The following CDK19 variants were observed in gnomAD, a reference collection of about 807,000 sequenced individuals.
CDK19 encodes cyclin dependent kinase 19.
Under a neutral mutation model 68.3 loss-of-function variants are expected in CDK19, and 20 were observed. The observed-to-expected ratio is 0.29, with a 90% CI of 0.21 to 0.43. CDK19 has a LOEUF of 0.43. CDK19 is among the 20% of genes least tolerant of loss of function. The pLI, the probability that CDK19 is intolerant of heterozygous loss-of-function variation, is 1.00. For missense variants in CDK19, 339 were observed against 623.5 expected, an observed-to-expected ratio of 0.54 and a Z score of 4.86; for synonymous variants, 221 against 222.8, an observed-to-expected ratio of 0.99 and a Z score of 0.07.
At chr6:110,745,146 T>A (rs1777983776) in intron 2 of CDK19, among the ~76,000 whole-genome samples, 1 of 152,226 alleles carries the variant, frequency 6.6e-6, no homozygotes, top group South Asian at 2.1e-4. Flanking sequence ...AATATAATAG[T>A]AAGCCTTCTG....
At chr6:110,786,654 A>G (rs375021450) in intron 1 of CDK19, among the ~76,000 whole-genome samples, 1 of 151,942 alleles carries the variant, frequency 6.6e-6, no homozygotes, top group Non-Finnish European at 1.5e-5. Context: ...CTAAATTAGA[A>G]ATGTGTTTGG....
At chr6:110,782,338 A>C (rs1451751010) in intron 1 of CDK19, among the ~76,000 whole-genome samples, 1 of 152,216 alleles carries the variant, frequency 6.6e-6, no homozygotes, top group Non-Finnish European at 1.5e-5. Context: ...TCCTTCACTC[A>C]GTTGCCAAAC....
chr6:110,798,870 C>T lies in CDK19; in HGVS notation c.128+16139G>A, dbSNP rs149933475. 2.8e-4 allele frequency among the ~76,000 whole-genome samples: 42 copies of T among 151,950 alleles called. No homozygotes were observed. In the East Asian group the frequency reaches 7.4e-3, roughly 27 times the overall value. On this transcript the variant is annotated intron_variant, in intron 1 of 12. Coordinates refer to ENST00000368911, the MANE Select transcript of CDK19 (RefSeq NM_015076.5). ...TTAAAAAGACATCCTCAGCCAGGCA[C>T]GGTGGCTCACGCCTGTAATCCTAGT... is the stretch of plus-strand genomic sequence containing the variant.
intron 12 of CDK19, among the ~76,000 whole-genome samples, chr6:110,620,466 T>C (rs566772708): frequency 3.3e-5 from 5 of 151,686 alleles, no homozygotes; most frequent in African/African-American, 9.7e-5. Context: ...TGAAAAAAAA[T>C]TTTTTTTTCA....
intron 4 of CDK19, among the ~76,000 whole-genome samples, chr6:110,640,515 A>C (rs1160373126): frequency 6.6e-6 from 1 of 152,214 alleles, no homozygotes; most frequent in Non-Finnish European, 1.5e-5. Context: ...TAAAAGATTA[A>C]GAAAAAGGGT....
At chr6:110,788,185 G>A (rs1781370450) in intron 1 of CDK19, among the ~76,000 whole-genome samples, 1 of 148,478 alleles carries the variant, frequency 6.7e-6, no homozygotes, top group Non-Finnish European at 1.5e-5. Context: ...TTTTGAGACA[G>A]GCTCTTGATC....
intron 2 of CDK19, among the ~76,000 whole-genome samples, chr6:110,734,057 G>A (rs1033335759): frequency 6.6e-6 from 1 of 151,868 alleles, no homozygotes; most frequent in African/African-American, 2.4e-5. Context: ...ATCTCCCTCT[G>A]TCACCCAGGC....
At chr6:110,676,104 C>G (rs1771509575) in intron 2 of CDK19, among the ~76,000 whole-genome samples, 1 of 152,092 alleles carries the variant, frequency 6.6e-6, no homozygotes, top group South Asian at 2.1e-4. Context: ...TCAACATTAA[C>G]AGGAATGTGG....
At chr6:110,769,822 G>A (rs1027246705) in intron 1 of CDK19, among the ~76,000 whole-genome samples, 1 of 151,976 alleles carries the variant, frequency 6.6e-6, no homozygotes, top group African/African-American at 2.4e-5. Flanking sequence ...ATTCTCAACT[G>A]GTAGCAAAAT....
chr6:110,639,686 T>C (rs1780007517), intron 4 of CDK19, among the ~76,000 whole-genome samples: 1 of 152,238 alleles, frequency 6.6e-6, no homozygotes, highest in Non-Finnish European at 1.5e-5. Flanking sequence ...AATTTGCTGA[T>C]TGTTAAAAAT....
intron 2 of CDK19, among the ~76,000 whole-genome samples, chr6:110,719,362 A>G (rs915402857): frequency 1.3e-5 from 2 of 152,036 alleles, no homozygotes; most frequent in African/African-American, 4.8e-5. Context: ...CTAATTTTTA[A>G]ATTTTTGGTA....
intron 2 of CDK19, among the ~76,000 whole-genome samples, chr6:110,717,004 T>C (rs1001057614): frequency 2.6e-5 from 4 of 152,134 alleles, no homozygotes; most frequent in Non-Finnish European, 5.9e-5. Context: ...TGGTGGCATG[T>C]GCCTGTAGTC....
chr6:110,664,164 G>A (rs1781780646), intron 4 of CDK19, among the ~76,000 whole-genome samples: 1 of 152,130 alleles, frequency 6.6e-6, no homozygotes, highest in African/African-American at 2.4e-5. Context: ...GAGCCAACCA[G>A]AACTGCACAT....
At chr6:110,775,460 A>T (rs1014499295) in intron 1 of CDK19, among the ~76,000 whole-genome samples, 3 of 152,196 alleles carry the variant, frequency 2.0e-5, no homozygotes, top group Non-Finnish European at 2.9e-5. Context: ...TAGTGGCAAA[A>T]TTTAATTTAA....
At chr6:110,812,139 G>C (rs1248410092) in intron 1 of CDK19, among the ~76,000 whole-genome samples, 3 of 131,546 alleles carry the variant, frequency 2.3e-5, no homozygotes, top group Non-Finnish European at 4.9e-5. Flanking sequence ...TTTTTTTTTT[G>C]AGACAGAGTC....
intron 1 of CDK19, among the ~76,000 whole-genome samples, chr6:110,780,876 A>AT (rs1426208912): frequency 6.6e-6 from 1 of 152,238 alleles, no homozygotes; most frequent in South Asian, 2.1e-4. Context: ...TACTTTTAAA[A>AT]TTTTTTAAAG....
chr6:110,734,465 A>G (rs1582980504), intron 2 of CDK19, among the ~76,000 whole-genome samples: 1 of 149,644 alleles, frequency 6.7e-6, no homozygotes, highest in Non-Finnish European at 1.5e-5. Flanking sequence ...GGCTTAAAGG[A>G]ATTAAAACAG....
intron 2 of CDK19, 183 bp from the exon 3 acceptor site, chr6:110,670,724 A>C (rs527870376): frequency 6.1e-6 from 4 of 654,456 alleles, no homozygotes; most frequent in Non-Finnish European, 8.3e-6. Flanking sequence ...ATCTTGGTGC[A>C]TATCTTTCCA....
chr6:110,710,368 T>C (rs1017382122), intron 2 of CDK19, among the ~76,000 whole-genome samples: 2 of 152,154 alleles, frequency 1.3e-5, no homozygotes, highest in Non-Finnish European at 2.9e-5. Flanking sequence ...ACTGCCAGAA[T>C]TGGCTGACTT....
Sources: allele counts gnomAD v4.1 joint callset (sites outside exome capture counted in the v4.1 genomes callset), GRCh38; gene constraint gnomAD v4.1.1; transcripts MANE v1.5; gene names NCBI Gene and HGNC (gene_info 2026-07-23, HGNC 2026-07-21).